The following EFHD2 variants were observed in gnomAD, a reference collection of about 807,000 sequenced individuals.
The protein encoded by EFHD2 is EF-hand domain family member D2, also known as EF-hand domain-containing protein D2.
A neutral mutation model predicts 20.3 loss-of-function variants in EFHD2; 12 were observed. The observed-to-expected ratio is 0.59, with a 90% CI of 0.38 to 0.96. The LOEUF is 0.96. Among genes scored for constraint, EFHD2 ranks in the 40% least tolerant of loss-of-function variants. EFHD2 has a pLI of 0.00. For synonymous variants in EFHD2, 131 were observed against 143.9 expected, an observed-to-expected ratio of 0.91 and a Z score of 0.64; for missense variants, 250 against 334.3, an observed-to-expected ratio of 0.75 and a Z score of 1.97.
At chr1:15,420,298 G>A (rs530484272) in intron 1 of EFHD2, among the ~76,000 whole-genome samples, 3 of 152,292 alleles carry the variant, frequency 2.0e-5, no homozygotes, top group South Asian at 2.1e-4. Flanking sequence ...GACTCACTAT[G>A]TGCCAGGCAT....
intron 1 of EFHD2, among the ~76,000 whole-genome samples, chr1:15,419,352 C>T (rs906886768): frequency 1.2e-4 from 19 of 152,224 alleles, no homozygotes; most frequent in Non-Finnish European, 2.9e-5. Flanking sequence ...TGCCAGGCCC[C>T]GCAGCCTCCC....
chr1:15,427,905 G>A (rs1296759206), intron 3 of EFHD2: 1 of 469,668 alleles, frequency 2.1e-6, no homozygotes, highest in Non-Finnish European at 4.4e-6. Flanking sequence ...CAGTGGAACT[G>A]GGTGTGCCGC....
intron 1 of EFHD2, among the ~76,000 whole-genome samples, chr1:15,419,748 G>T (rs1310162670): frequency 6.6e-6 from 1 of 152,198 alleles, no homozygotes; most frequent in Non-Finnish European, 1.5e-5. Context: ...AGAAGGGCTG[G>T]TGGGTGAGAG....
At chr1:15,415,943 G>C (rs969049087) in intron 1 of EFHD2, among the ~76,000 whole-genome samples, 8 of 152,158 alleles carry the variant, frequency 5.3e-5, no homozygotes. Context: ...CCGTGTTTGT[G>C]GCTGGGGCTT....
rs764596022 is a variant in EFHD2, at chr1:15,425,871, G to C, written c.309G>C (p.Gln103His). Residue 103 changes from glutamine (Q) to histidine (H), a missense_variant and splice_region_variant, in exon 2 of 4, where the codon CAG (glutamine) becomes CAC (histidine). Transcript: ENST00000375980. ...QIKDMEKMFK[Q>H]YDAGRDGFID... is the part of the protein sequence containing the mutation. The stretch of plus-strand genomic sequence containing the variant: ...ATGTCCTCTCTTTTTGCATCTGCAG[G>C]TATGATGCCGGGCGGGACGGCTTCA... The C allele has an allele frequency of 1.9e-6, 3 of 1,604,904 alleles. No homozygotes were observed. In the East Asian group the frequency reaches 6.8e-5, roughly 36 times the overall value.
At chr1:15,419,670 A>G (rs1707755657) in intron 1 of EFHD2, among the ~76,000 whole-genome samples, 1 of 152,126 alleles carries the variant, frequency 6.6e-6, no homozygotes, top group African/African-American at 2.4e-5. Context: ...ATCTGGGTGG[A>G]TCTTGCGGGC....
chr1:15,423,962 G>A (rs111420165), intron 1 of EFHD2, among the ~76,000 whole-genome samples: 3 of 152,156 alleles, frequency 2.0e-5, no homozygotes, highest in African/African-American at 7.2e-5. Flanking sequence ...GGCTGATGTA[G>A]GAGGATTGCT....
intron 3 of EFHD2, among the ~76,000 whole-genome samples, chr1:15,428,366 G>C (rs1707908265): frequency 6.6e-6 from 1 of 152,156 alleles, no homozygotes; most frequent in East Asian, 1.9e-4. Flanking sequence ...GCATGGTGGA[G>C]GGCACCCATA....
At chr1:15,412,217 A>G (rs926998167) in intron 1 of EFHD2, among the ~76,000 whole-genome samples, 7 of 151,654 alleles carry the variant, frequency 4.6e-5, no homozygotes, top group African/African-American at 1.7e-4. Flanking sequence ...AGTAACGTGA[A>G]TGCTCCTGGG....
At chr1:15,412,330 T>C (rs1476886313) in intron 1 of EFHD2, among the ~76,000 whole-genome samples, 1 of 152,092 alleles carries the variant, frequency 6.6e-6, no homozygotes, top group East Asian at 1.9e-4. Context: ...CTGATAGTGC[T>C]GAGGCGCTCA....
intron 1 of EFHD2, among the ~76,000 whole-genome samples, chr1:15,412,614 C>A (rs570728760): frequency 5.1e-4 from 77 of 152,294 alleles, no homozygotes; most frequent in Non-Finnish European, 9.7e-4. Flanking sequence ...TCTCTCCTTT[C>A]CCCCAGAGCC....
intron 1 of EFHD2, among the ~76,000 whole-genome samples, chr1:15,425,200 C>T (rs1404051357): frequency 6.6e-6 from 1 of 152,104 alleles, no homozygotes; most frequent in African/African-American, 2.4e-5. Flanking sequence ...GTGCTCAGCT[C>T]AGAGCCTGAT....
At position 15,429,087 on chromosome 1, in the gene EFHD2, T is replaced by A. The variant is rs376789696; in HGVS notation, c.*363T>A. The stretch of plus-strand genomic sequence containing the variant: ...GTGCCTGCCGCCTGCCCTCCACACA[T>A]CCCTGTCCCCCCAACCCGGGAACCC... On this transcript the variant is annotated 3_prime_UTR_variant, in exon 4 of 4. Coordinates refer to ENST00000375980, the MANE Select transcript of EFHD2 (RefSeq NM_024329.6). 4.3e-4 allele frequency: 107 copies of A among 247,464 alleles called. 1 individual carries two copies. In the South Asian group the frequency reaches 4.5e-3, roughly 10 times the overall value. The allele number at this position is 247,464 out of a possible 1,614,324, so 15.3% of individuals were successfully genotyped here. A position where few individuals can be genotyped will look rare whatever the true frequency, so the allele number is the denominator to read the frequency against.
chr1:15,427,089 G>A (rs1707882790), intron 2 of EFHD2, 61 bp from the exon 3 acceptor site: 8 of 1,579,092 alleles, frequency 5.1e-6, no homozygotes, highest in African/African-American at 4.0e-5. Context: ...GTGCGGCCAG[G>A]GACTCCGGCT....
rs957862406 is a variant in EFHD2, at chr1:15,413,466, A to G, written c.308+3187A>G. Among the ~76,000 whole-genome samples the G allele has an allele frequency of 2.0e-5, 3 of 151,952 alleles. No homozygotes were observed. Among genetic ancestry groups the G allele is most frequent in the Non-Finnish European group, 4.4e-5 (3 of 67,972 alleles). On this transcript the variant is annotated intron_variant, in intron 1 of 3. Coordinates refer to ENST00000375980, the MANE Select transcript of EFHD2 (RefSeq NM_024329.6). This position sits in a 1 kb window ranked among gnomAD's most constrained non-coding sequence, Gnocchi z 4.4. The stretch of plus-strand genomic sequence containing the variant: ...TGAGGGGTCCTGAGCCCTTCTGGAT[A>G]TTGGAACTGCCTTCCAGGGCCTTCT...
At chr1:15,410,342 C>T in intron 1 of EFHD2, 63 bp downstream of exon 1, 1 of 1,486,378 alleles carries the variant, frequency 6.7e-7, no homozygotes, top group Non-Finnish European at 9.0e-7. Context: ...CCCCGAACCC[C>T]CCGATCCCCG....
chr1:15,424,095 G>A (rs374510311), intron 1 of EFHD2, among the ~76,000 whole-genome samples: 1 of 151,812 alleles, frequency 6.6e-6, no homozygotes, highest in South Asian at 2.1e-4. Flanking sequence ...GGGAGGCTGA[G>A]GCGGGAGGAT....
chr1:15,412,944 C>A (rs571817091), intron 1 of EFHD2, among the ~76,000 whole-genome samples: 1 of 152,164 alleles, frequency 6.6e-6, no homozygotes, highest in African/African-American at 2.4e-5. Context: ...CAGGCAGGGG[C>A]CAGGAAGCTG....
rs923155587 is a variant in EFHD2 at position 15,411,756 on chromosome 1, G to A, written c.308+1477G>A. Among the ~76,000 whole-genome samples the A allele has an allele frequency of 2.0e-5, 3 of 152,270 alleles. 1 individual carries two copies. Among genetic ancestry groups the A allele is most frequent in the South Asian group, 4.1e-4 (2 of 4,824 alleles). ...GCTGAGGGAGGGATGCGGCAAGGCC[G>A]GCTCCCGCTTGGCTGGGCAGGAGGT... On this transcript the variant is annotated intron_variant, in intron 1 of 3. Coordinates refer to ENST00000375980, the MANE Select transcript of EFHD2 (RefSeq NM_024329.6).
Sources: allele counts gnomAD v4.1 joint callset (sites outside exome capture counted in the v4.1 genomes callset), GRCh38; gene constraint gnomAD v4.1.1; non-coding constraint Gnocchi (gnomAD v3.1); transcripts MANE v1.5; gene names NCBI Gene and HGNC (gene_info 2026-07-23, HGNC 2026-07-21).